The following DIAPH3 variants were observed in gnomAD, a reference collection of about 807,000 sequenced individuals.
DIAPH3 encodes protein diaphanous homolog 3.
A neutral mutation model predicts 144.3 loss-of-function variants in DIAPH3; 117 were observed. That is an observed-to-expected ratio of 0.81 (90% CI 0.70 to 0.95). The LOEUF (loss-of-function observed/expected upper bound fraction) is 0.95, where lower values mean the gene tolerates loss of function less well. Ranked by LOEUF, DIAPH3 falls within the 40% of genes least tolerant of loss-of-function variation. The pLI, the probability that DIAPH3 is intolerant of heterozygous loss-of-function variation, is 0.00. For missense variants in DIAPH3, 1,421 were observed against 1,412.7 expected (o/e 1.01, Z -0.09); for synonymous variants, 519 against 488.9 (o/e 1.06, Z -0.81).
At chr13:59,833,963 A>G (rs1230732747) in intron 23 of DIAPH3, among the ~76,000 whole-genome samples, 2 of 151,728 alleles carry the variant, frequency 1.3e-5, no homozygotes, top group Non-Finnish European at 3.0e-5. Flanking sequence ...TTCTCCCATT[A>G]TCTAACCAAA....
intron 1 of DIAPH3, among the ~76,000 whole-genome samples, chr13:60,162,370 G>A (rs779849407): frequency 1.3e-5 from 2 of 152,128 alleles, no homozygotes; most frequent in Non-Finnish European, 2.9e-5. Flanking sequence ...CCAGAGAGTA[G>A]ACTATAAAAG....
intron 27 of DIAPH3, among the ~76,000 whole-genome samples, chr13:59,702,617 A>C (rs569559546): frequency 2.0e-4 from 31 of 152,312 alleles, no homozygotes; most frequent in African/African-American, 6.7e-4. Context: ...TTTCTTATTA[A>C]CAGCAGTAGA....
rs183541727 is a variant in DIAPH3 at position 60,042,366 on chromosome 13, A to G, written c.626+324T>C. Among the ~76,000 whole-genome samples the G allele has an allele frequency of 2.5e-4, 38 of 152,334 alleles. 1 individual carries two copies. The highest frequency in any genetic ancestry group is 3.4e-3 in the Middle Eastern group (1 of 294). ...TGTCAAATAAGATCAGCAAGTAAAT[A>G]TACAATGACAAAATTCAGGGTGAAA... On this transcript the variant is annotated intron_variant, in intron 5 of 27. Coordinates refer to ENST00000400324, the MANE Select transcript of DIAPH3 (RefSeq NM_001042517.2).
rs201333360 is a variant in DIAPH3, at chr13:59,987,475, T to TAAA, written c.1362-3591_1362-3589dup. ...ATGTACCCTAAAACTTAAAGTATAATAAAAAAAAAAAAAAGAAAAAAAAAA... is the reference window on the plus strand; with the variant it reads ...ATGTACCCTAAAACTTAAAGTATAATAAAAAAAAAAAAAAAAAGAAAAAAAAAA... On this transcript the variant is annotated intron_variant, in intron 12 of 27. Transcript: ENST00000400324. Among the ~76,000 whole-genome samples the TAAA allele has an allele frequency of 2.1e-3, 145 of 70,104 alleles. 2 individuals carry two copies. The highest frequency in any genetic ancestry group is 2.5e-3 in the Non-Finnish European group (80 of 31,980). The allele number at this position is 70,104 out of a possible 152,430, so 46.0% of individuals were successfully genotyped here. A position where few individuals can be genotyped will look rare whatever the true frequency, so the allele number is the denominator to read the frequency against.
chr13:60,036,423 T>C (rs531031197), intron 5 of DIAPH3, among the ~76,000 whole-genome samples: 23 of 150,878 alleles, frequency 1.5e-4, no homozygotes, highest in African/African-American at 4.4e-4. Context: ...TGTTGTTGTG[T>C]TTTTTTTTCA....
intron 21 of DIAPH3, among the ~76,000 whole-genome samples, chr13:59,864,726 G>A (rs776270622): frequency 1.3e-5 from 2 of 151,952 alleles, no homozygotes; most frequent in Non-Finnish European, 2.9e-5. Flanking sequence ...ACACAGATTC[G>A]AGTTATTCAG....
chr13:59,882,115 G>C (rs1307499138), intron 20 of DIAPH3, among the ~76,000 whole-genome samples: 3 of 152,046 alleles, frequency 2.0e-5, no homozygotes, highest in African/African-American at 7.2e-5. Context: ...TTGAGGCAGA[G>C]TCTCACTCTG....
intron 26 of DIAPH3, 80 bp downstream of exon 26, chr13:59,774,648 C>T (rs987982819): frequency 1.3e-5 from 18 of 1,396,426 alleles, no homozygotes; most frequent in Admixed American, 3.5e-5. Flanking sequence ...TGACACACAA[C>T]TTCAAAAGAA....
At chr13:60,039,491 A>T (rs2055475108) in intron 5 of DIAPH3, among the ~76,000 whole-genome samples, 1 of 151,890 alleles carries the variant, frequency 6.6e-6, no homozygotes, top group Non-Finnish European at 1.5e-5. Flanking sequence ...TTTAGTAGAG[A>T]CGGGGTTTCA....
intron 21 of DIAPH3, among the ~76,000 whole-genome samples, chr13:59,876,116 G>T (rs1377885021): frequency 6.6e-6 from 1 of 152,076 alleles, no homozygotes; most frequent in African/African-American, 2.4e-5. Context: ...ATACTTCCTT[G>T]TCTTTCTACT....
In DIAPH3 at chr13:60,008,584, C is replaced by A; in HGVS notation, c.974G>T (p.Cys325Phe). 1 of 1,613,472 alleles carries A rather than the reference C, an allele frequency of 6.2e-7. No homozygotes were observed. Among genetic ancestry groups the A allele is most frequent in the Admixed American group, 1.7e-5 (1 of 59,988 alleles). Residue 325 changes from cysteine (C) to phenylalanine (F), a missense_variant, in exon 9 of 28, where the codon TGT (cysteine) becomes TTT (phenylalanine). By Grantham distance (205) the Cys-to-Phe change is radical. Coordinates refer to ENST00000400324, the MANE Select transcript of DIAPH3 (RefSeq NM_001042517.2). ...GEEKKIDRFF[C>F]IVEGLRHNSV... is the part of the protein sequence containing the mutation. The stretch of plus-strand genomic sequence containing the variant: ...ATTGTGCCGGAGGCCTTCCACAATA[C>A]AAAAAAATCTGTCAATTTTTTTTTC...
At chr13:60,080,147 A>G (rs2057505287) in intron 4 of DIAPH3, among the ~76,000 whole-genome samples, 1 of 151,980 alleles carries the variant, frequency 6.6e-6, no homozygotes, top group African/African-American at 2.4e-5. Flanking sequence ...AATTTTTACC[A>G]TCTAGAAAAA....
At chr13:60,026,351 G>A (rs570079550) in intron 5 of DIAPH3, among the ~76,000 whole-genome samples, 1 of 152,240 alleles carries the variant, frequency 6.6e-6, no homozygotes, top group South Asian at 2.1e-4. Flanking sequence ...TTAAATTGCT[G>A]TAGAAGTAAA....
intron 17 of DIAPH3, among the ~76,000 whole-genome samples, chr13:59,957,605 C>T (rs912701002): frequency 6.6e-6 from 1 of 152,202 alleles, no homozygotes; most frequent in East Asian, 1.9e-4. Flanking sequence ...CACAAACTGC[C>T]GTTTTTCTTG....
intron 27 of DIAPH3, among the ~76,000 whole-genome samples, chr13:59,697,253 A>T (rs1778724689): frequency 2.6e-5 from 4 of 151,570 alleles, no homozygotes. Context: ...AGATCAGGAG[A>T]TCGAGACCAT....
intron 24 of DIAPH3, among the ~76,000 whole-genome samples, chr13:59,811,286 G>T (rs2040458241): frequency 6.6e-6 from 1 of 152,048 alleles, no homozygotes; most frequent in Non-Finnish European, 1.5e-5. Context: ...CTGAATTAGG[G>T]TTTTCCACAT....
chr13:60,145,970 C>T (rs1432297695), intron 1 of DIAPH3, among the ~76,000 whole-genome samples: 1 of 152,044 alleles, frequency 6.6e-6, no homozygotes, highest in Admixed American at 6.6e-5. Context: ...AATTTAATTT[C>T]TTAAATTATT....
intron 1 of DIAPH3, among the ~76,000 whole-genome samples, chr13:60,149,099 T>C (rs1041939546): frequency 6.6e-6 from 1 of 152,230 alleles, no homozygotes; most frequent in African/African-American, 2.4e-5. Flanking sequence ...AGGGGTTGTT[T>C]GGTTTTCCTT....
At chr13:60,113,274 T>A (rs1284518704) in intron 2 of DIAPH3, among the ~76,000 whole-genome samples, 4 of 152,150 alleles carry the variant, frequency 2.6e-5, no homozygotes, top group African/African-American at 9.7e-5. Flanking sequence ...AACATTTCCA[T>A]CATTGCAAAA....
Sources: allele counts gnomAD v4.1 joint callset (sites outside exome capture counted in the v4.1 genomes callset), GRCh38; gene constraint gnomAD v4.1.1; transcripts MANE v1.5; gene names NCBI Gene and HGNC (gene_info 2026-07-23, HGNC 2026-07-21).